SIN3B: variants seen among roughly 807,000 people sequenced by gnomAD.
The protein encoded by SIN3B is paired amphipathic helix protein Sin3b.
A neutral mutation model predicts 120.2 loss-of-function variants in SIN3B; 19 were observed. The observed-to-expected ratio is 0.16, with a 90% CI of 0.11 to 0.23. The LOEUF (loss-of-function observed/expected upper bound fraction) is 0.23. SIN3B is among the 10% of genes least tolerant of loss of function. The pLI is 1.00. For missense variants in SIN3B, 1,073 were observed against 1,573.0 expected (o/e 0.68, Z 5.38); for synonymous variants, 654 against 653.2 (o/e 1.00, Z -0.02).
chr19:16,860,277 G>A (rs1445987448), intron 8 of SIN3B, among the ~76,000 whole-genome samples: 1 of 152,180 alleles, frequency 6.6e-6, no homozygotes, highest in Non-Finnish European at 1.5e-5. Flanking sequence ...AGCTGAACAC[G>A]GCCCAGGGAA....
Position 16,851,574 on chromosome 19 carries a change from C to G in SIN3B, c.849+40C>G, listed in dbSNP as rs571784483. ...CATGCAGCCATGCCTGCACGCGGGG[C>G]CCCCAGCAAATCGGGCCTTCCCAGC... On this transcript the variant is annotated intron_variant, in intron 6 of 18. Transcript: ENST00000248054. The G allele has an allele frequency of 3.3e-6, 5 of 1,533,712 alleles. No homozygotes were observed. In the Admixed American group the frequency reaches 9.9e-5, roughly 30 times the overall value.
At chr19:16,863,937 C>T in intron 10 of SIN3B, 141 bp downstream of exon 10, 1 of 623,420 alleles carries the variant, frequency 1.6e-6, no homozygotes, top group Middle Eastern at 4.4e-4. Flanking sequence ...CTCCTGGAAG[C>T]TTCCTGCCGG....
At chr19:16,829,759 A>G (rs748384926) in intron 1 of SIN3B, 32 bp from the exon 2 acceptor site, 71 of 1,543,456 alleles carry the variant, frequency 4.6e-5, no homozygotes, top group Non-Finnish European at 6.1e-5. Context: ...TTCCGCGGCC[A>G]GGGCCCACCG....
intron 4 of SIN3B, among the ~76,000 whole-genome samples, chr19:16,842,450 A>G (rs1462503331): frequency 7.2e-6 from 1 of 139,156 alleles, no homozygotes; most frequent in Non-Finnish European, 1.5e-5. Flanking sequence ...TCTGTCACCT[A>G]GGCTGGAGTG....
chr19:16,873,263 G>C (rs544785760), intron 14 of SIN3B, among the ~76,000 whole-genome samples: 1 of 152,274 alleles, frequency 6.6e-6, no homozygotes, highest in African/African-American at 2.4e-5. Context: ...TGCCTTGTTG[G>C]TGACTGGGAG....
At chr19:16,864,600 G>A (rs1320480367) in intron 10 of SIN3B, among the ~76,000 whole-genome samples, 2 of 151,896 alleles carry the variant, frequency 1.3e-5, no homozygotes, top group Non-Finnish European at 2.9e-5. Context: ...CCAAAGTGCT[G>A]AGATTAAAGG....
intron 4 of SIN3B, among the ~76,000 whole-genome samples, chr19:16,843,796 C>T (rs1281247843): frequency 2.0e-5 from 3 of 152,206 alleles, no homozygotes; most frequent in Non-Finnish European, 4.4e-5. Context: ...GACACCTGGC[C>T]ACCATGCAGG....
rs1237678593 is a variant in SIN3B at position 16,876,593 on chromosome 19, C to T, written c.2859+15C>T. ...TGGAGGTCCAGGTGAGGCCCTGGCC[C>T]CAGTCTGTGCCACGCATACCAGGGA... is the stretch of plus-strand genomic sequence containing the variant. On this transcript the variant is annotated intron_variant, in intron 16 of 18. Coordinates refer to ENST00000248054, the MANE Select transcript of SIN3B (RefSeq NM_001297595.2). The surrounding 1 kb of genome is among the most constrained non-coding windows in gnomAD (Gnocchi z 7.1). 3 of 1,601,028 alleles carry T rather than the reference C, an allele frequency of 1.9e-6. No individual in the cohort carries two copies. The South Asian group carries it at 3.3e-5, about 18-fold the overall frequency.
intron 8 of SIN3B, among the ~76,000 whole-genome samples, chr19:16,860,027 A>AGGTGCTGAACAGATGGGC (rs1568420407): frequency 6.6e-6 from 1 of 152,228 alleles, no homozygotes; most frequent in Admixed American, 6.5e-5. Context: ...CTGAAAGGCA[A>AGGTGCTGAACAGATGGGC]GGTGCTGAAC....
In SIN3B at chr19:16,869,696, T is replaced by C; in HGVS notation, c.2043T>C (p.Ala681=). ...QLDLGASEES[A]DEDRDSPQGQ... ...ACCTGGGCGCCTCCGAGGAGTCAGCTGATGAGGACCGGGACAGCCCCCAGG... is the reference window on the plus strand; with the variant it reads ...ACCTGGGCGCCTCCGAGGAGTCAGCCGATGAGGACCGGGACAGCCCCCAGG... The change falls in exon 13 of 19, where the codon GCT becomes GCC. Residue 681 remains alanine (A), a synonymous_variant. Coordinates refer to ENST00000248054, the MANE Select transcript of SIN3B (RefSeq NM_001297595.2). 2 of 1,613,538 alleles carry C rather than the reference T, an allele frequency of 1.2e-6. No individual in the cohort carries two copies. Among genetic ancestry groups the C allele is most frequent in the African/African-American group, 2.7e-5 (2 of 75,060 alleles).
chr19:16,875,500 T>C lies in SIN3B; in HGVS notation c.2593-555T>C, dbSNP rs1189561565. On this transcript the variant is annotated intron_variant, in intron 14 of 18. Coordinates refer to ENST00000248054, the MANE Select transcript of SIN3B (RefSeq NM_001297595.2). ...TGGTCTGGTTTGGGTCTGGTCTGGT[T>C]TGGTCTGGTCTGGTCTGTTTGGTCT... Among the ~76,000 whole-genome samples, 10 of 144,170 alleles carry C rather than the reference T, an allele frequency of 6.9e-5. No individual in the cohort carries two copies. The East Asian group carries it at 8.5e-4, about 12-fold the overall frequency. The allele number at this position is 144,170 out of a possible 152,430, so 94.6% of individuals were successfully genotyped here.
chr19:16,865,315 C>CA (rs1971751842), intron 10 of SIN3B, 95 bp from the exon 11 acceptor site: 9 of 550,740 alleles, frequency 1.6e-5, no homozygotes, highest in Non-Finnish European at 2.3e-5. Flanking sequence ...CACCCCCCCC[C>CA]CAAAAAAATC....
In SIN3B at chr19:16,829,454, G is replaced by A. The variant is rs1971248707; in HGVS notation, c.34G>A (p.Gly12Ser). The A allele has an allele frequency of 3.3e-6, 4 of 1,214,908 alleles. No homozygotes were observed. The East Asian group carries it at 9.9e-5, about 30-fold the overall frequency. The allele number at this position is 1,214,908 out of a possible 1,614,324, so 75.3% of individuals were successfully genotyped here. A position where few individuals can be genotyped will look rare whatever the true frequency, so the allele number is the denominator to read the frequency against. ...AHAGGGSGGSGAGGPAGRGLS... is the reference protein window; with the variant it reads ...AHAGGGSGGSSAGGPAGRGLS... ...CGCTGGCGGTGGCAGCGGTGGCAGC[G>A]GTGCCGGCGGCCCCGCGGGCCGGGG... Residue 12 changes from glycine (G) to serine (S), a missense_variant, in exon 1 of 19, where the codon GGT becomes AGT. Around this residue, in one of 7 missense-constraint regions of SIN3B, gnomAD observed 395 missense variants for 528.0 expected, o/e 0.75. Coordinates refer to ENST00000248054, the MANE Select transcript of SIN3B (RefSeq NM_001297595.2).
intron 2 of SIN3B, among the ~76,000 whole-genome samples, chr19:16,830,644 C>T (rs150587642): frequency 2.6e-5 from 4 of 152,308 alleles, no homozygotes; most frequent in African/African-American, 7.2e-5. Flanking sequence ...GTGGGGCTGG[C>T]CTGGTTTCCT....
rs776669770 is a variant in SIN3B at position 16,878,236 on chromosome 19, G to A, written c.3008G>A (p.Arg1003His). The A allele has an allele frequency of 3.8e-6, 6 of 1,598,930 alleles. No individual in the cohort carries two copies. Among genetic ancestry groups the A allele is most frequent in the African/African-American group, 1.3e-5 (1 of 74,670 alleles). ...RWQSEQARALRGEARSSWKRL... is the reference protein window; with the variant it reads ...RWQSEQARALHGEARSSWKRL... The stretch of plus-strand genomic sequence containing the variant: ...CAGAGCGAGCAGGCGCGGGCCCTGC[G>A]CGGTGAGGCCAGGAGCTCCTGGAAG... The change falls in exon 18 of 19, where the codon CGC (arginine) becomes CAC (histidine). Residue 1003 changes from arginine (R) to histidine (H), a missense_variant. Arg to His is a conservative substitution (Grantham distance 29, BLOSUM62 0). This residue lies in a region of SIN3B where 311 missense variants were observed against 400.3 expected (regional missense o/e 0.78). Coordinates refer to ENST00000248054, the MANE Select transcript of SIN3B (RefSeq NM_001297595.2).
At chr19:16,844,194 T>C (rs1971452972) in intron 4 of SIN3B, 1 of 152,282 alleles carries the variant, frequency 6.6e-6, no homozygotes, top group Admixed American at 6.5e-5. Flanking sequence ...AGCCTCAGGT[T>C]GTCTAGTTTT....
chr19:16,865,314 C>T (rs532067099), intron 10 of SIN3B, 96 bp from the exon 11 acceptor site: 2 of 550,312 alleles, frequency 3.6e-6, no homozygotes, highest in African/African-American at 2.0e-5. Flanking sequence ...ACACCCCCCC[C>T]CCAAAAAAAT....
At chr19:16,861,026 AG>A (rs1471606499) in intron 8 of SIN3B, among the ~76,000 whole-genome samples, 4 of 152,244 alleles carry the variant, frequency 2.6e-5, no homozygotes, top group Non-Finnish European at 5.9e-5. Flanking sequence ...CTGGGATTCC[AG>A]GTACACACCA....
intron 8 of SIN3B, among the ~76,000 whole-genome samples, chr19:16,858,127 T>C (rs965251620): frequency 2.0e-5 from 3 of 152,192 alleles, no homozygotes; most frequent in African/African-American, 4.8e-5. Context: ...TCCGCCTGCC[T>C]CAGCCTCTCA....
Sources: allele counts gnomAD v4.1 joint callset (sites outside exome capture counted in the v4.1 genomes callset), GRCh38; gene constraint gnomAD v4.1.1; regional missense constraint gnomAD v4.1.1; non-coding constraint Gnocchi (gnomAD v3.1); transcripts MANE v1.5; gene names NCBI Gene and HGNC (gene_info 2026-07-23, HGNC 2026-07-21).